KLHL41: variants seen among roughly 807,000 people sequenced by gnomAD.
The protein encoded by KLHL41 is kelch like family member 41.
Under a neutral mutation model 49.2 loss-of-function variants are expected in KLHL41, and 31 were observed. The observed-to-expected ratio is 0.63, with a 90% CI of 0.47 to 0.85. The LOEUF is 0.85. Ranked by LOEUF, KLHL41 falls within the 40% of genes least tolerant of loss-of-function variation. The probability of loss-of-function intolerance (pLI) is 0.00; values close to 1 mark genes in which losing one functional copy is unlikely to be tolerated. For missense variants in KLHL41, 663 were observed against 726.7 expected (o/e 0.91, Z 1.01); for synonymous variants, 218 against 258.5 (o/e 0.84, Z 1.50).
intron 4 of KLHL41, among the ~76,000 whole-genome samples, chr2:169,520,006 T>C (rs1684173289): frequency 6.6e-6 from 1 of 152,154 alleles, no homozygotes; most frequent in African/African-American, 2.4e-5. Flanking sequence ...TGAATTTTTT[T>C]TTCCCCCCTT....
At chr2:169,518,494 A>G in intron 4 of KLHL41, 119 bp downstream of exon 4, 1 of 659,818 alleles carries the variant, frequency 1.5e-6, no homozygotes, top group Non-Finnish European at 2.5e-6. Flanking sequence ...AGAGCCACAG[A>G]TTACAAAGGA....
In KLHL41 at chr2:169,520,189, TGTGTGTGTG is replaced by T. The variant is rs1476564210; in HGVS notation, c.1563-671_1563-663del. On this transcript the variant is annotated intron_variant, in intron 4 of 5. Coordinates refer to ENST00000284669, the MANE Select transcript of KLHL41 (RefSeq NM_006063.3). ...GTGTGTGTGTGTGTGTGTGTGTGTG[TGTGTGTGTG>T]TGTGTGTGTGTAGACAGTCCATTTT... Among the ~76,000 whole-genome samples, 17 of 147,416 alleles carry T rather than the reference TGTGTGTGTG, an allele frequency of 1.2e-4. No individual in the cohort carries two copies. The East Asian group carries it at 3.4e-3, about 29-fold the overall frequency.
chr2:169,514,516 G>A (rs529604908), intron 1 of KLHL41, 58 bp from the exon 2 acceptor site: 94 of 1,435,032 alleles, frequency 6.6e-5, no homozygotes, highest in African/African-American at 1.0e-4. Flanking sequence ...ACTTTTTTTG[G>A]TGTACTTCTA....
At chr2:169,518,623 A>G (rs1194694094) in intron 4 of KLHL41, among the ~76,000 whole-genome samples, 1 of 152,154 alleles carries the variant, frequency 6.6e-6, no homozygotes, top group African/African-American at 2.4e-5. Context: ...GTCATGCTCT[A>G]TTTGTCCTTG....
At chr2:169,520,279 T>C in intron 4 of KLHL41, among the ~76,000 whole-genome samples, 1 of 54,782 alleles carries the variant, frequency 1.8e-5, no homozygotes, top group South Asian at 7.0e-4. Context: ...TGCCTCAGTG[T>C]GTGTGTGTGT....
rs748678126 is a variant in KLHL41 at position 169,509,903 on chromosome 2, A to G, written c.125A>G (p.Lys42Arg). 3 of 1,614,066 alleles carry G rather than the reference A, an allele frequency of 1.9e-6. No homozygotes were observed. Among genetic ancestry groups the G allele is most frequent in the African/African-American group, 1.3e-5 (1 of 74,948 alleles). Residue 42 changes from lysine (K) to arginine (R), a missense_variant, in exon 1 of 6, where the codon AAA (lysine) becomes AGA (arginine). Lys to Arg is a conservative substitution (Grantham distance 26). Coordinates refer to ENST00000284669, the MANE Select transcript of KLHL41 (RefSeq NM_006063.3). ...FIDCTLKAGD[K>R]SLPCHRLILS... Reference sequence around the variant, plus strand: ...GATTGCACCCTAAAAGCAGGTGACAAAAGTCTTCCTTGCCACAGATTGATT... The same window carrying G: ...GATTGCACCCTAAAAGCAGGTGACAGAAGTCTTCCTTGCCACAGATTGATT...
intron 4 of KLHL41, 29 bp downstream of exon 4, chr2:169,518,404 T>C: frequency 1.4e-6 from 2 of 1,474,520 alleles, no homozygotes; most frequent in Non-Finnish European, 1.9e-6. Flanking sequence ...GTATATAGCA[T>C]GTGAACAACT....
At position 169,520,978 on chromosome 2, in the gene KLHL41, T is replaced by C; in HGVS notation, c.1680T>C (p.Phe560=). 6.2e-7 allele frequency: 1 copy of C among 1,614,056 alleles called. No homozygotes were observed. Among genetic ancestry groups the C allele is most frequent in the Non-Finnish European group, 8.5e-7 (1 of 1,179,940 alleles). ...FAMIQLESKE[F]APTEVNDIWK... Reference sequence around the variant, plus strand: ...TGATTCAACTGGAGTCTAAAGAATTTGCACCCACTGAAGTCAATGACATAT... The same window carrying C: ...TGATTCAACTGGAGTCTAAAGAATTCGCACCCACTGAAGTCAATGACATAT... Residue 560 remains phenylalanine, a synonymous_variant, in exon 5 of 6, where the codon TTT becomes TTC. Transcript: ENST00000284669.
At chr2:169,521,903 T>C (rs79726222) in intron 5 of KLHL41, among the ~76,000 whole-genome samples, 7,283 of 152,020 alleles carry the variant, frequency 0.048, 200 homozygotes, top group East Asian at 0.14. Context: ...TTGAACATTT[T>C]AGTGAGGCTA....
intron 4 of KLHL41, among the ~76,000 whole-genome samples, chr2:169,520,601 G>A (rs543993769): frequency 1.3e-4 from 20 of 151,802 alleles, no homozygotes; most frequent in South Asian, 4.2e-4. Flanking sequence ...ACAAGTGCGC[G>A]CCACCGTGCC....
intron 1 of KLHL41, among the ~76,000 whole-genome samples, chr2:169,512,974 C>G (rs1186873313): frequency 6.6e-6 from 1 of 152,040 alleles, no homozygotes; most frequent in African/African-American, 2.4e-5. Flanking sequence ...AATCTAGGTC[C>G]AAACCCTAAT....
chr2:169,524,814 G>T (rs1474669477), intron 5 of KLHL41, among the ~76,000 whole-genome samples: 2 of 152,016 alleles, frequency 1.3e-5, no homozygotes, highest in African/African-American at 4.8e-5. Context: ...GAATTAAAAT[G>T]GAGTGATAAT....
At chr2:169,525,543 A>C in intron 5 of KLHL41, 42 bp from the exon 6 acceptor site, 1 of 1,193,156 alleles carries the variant, frequency 8.4e-7, no homozygotes. Context: ...AAACCTATGG[A>C]ACTAAAGCTG....
Position 169,510,430 on chromosome 2 carries a change from G to C in KLHL41, c.652G>C (p.Val218Leu). The C allele has an allele frequency of 1.2e-6, 2 of 1,614,068 alleles. No individual in the cohort carries two copies. The highest frequency in any genetic ancestry group is 2.7e-5 in the African/African-American group (2 of 75,038). The change falls in exon 1 of 6, where the codon GTG becomes CTG. Residue 218 changes from valine to leucine, a missense_variant. Physicochemically the swap from Val to Leu is conservative, Grantham distance 32. Around this residue, in one of 3 missense-constraint regions of KLHL41, gnomAD observed 528 missense variants for 581.0 expected, o/e 0.91. Coordinates refer to ENST00000284669, the MANE Select transcript of KLHL41 (RefSeq NM_006063.3). This position sits in a 1 kb window ranked among gnomAD's most constrained non-coding sequence, Gnocchi z 4.2. ...AAACAGGGTTAAAAACCTTAGTGAA[G>C]TGTTTGATTGTATCCGTTTTCGCCT... ...KENRVKNLSEVFDCIRFRLMT... is the reference protein window; with the variant it reads ...KENRVKNLSELFDCIRFRLMT...
chr2:169,511,953 G>A (rs1429353745), intron 1 of KLHL41, among the ~76,000 whole-genome samples: 4 of 152,116 alleles, frequency 2.6e-5, no homozygotes, highest in South Asian at 2.1e-4. Flanking sequence ...TGCCAATACC[G>A]AAACTTTATA....
chr2:169,513,258 T>G (rs1684057727), intron 1 of KLHL41, among the ~76,000 whole-genome samples: 1 of 152,182 alleles, frequency 6.6e-6, no homozygotes, highest in African/African-American at 2.4e-5. Flanking sequence ...GGAAAATTAT[T>G]TAATCTTCCT....
chr2:169,525,681 A>T lies in KLHL41; in HGVS notation c.1806A>T (p.Lys602Asn), dbSNP rs763842140. Residue 602 changes from lysine (K) to asparagine (N), a missense_variant, in exon 6 of 6, where the codon AAA (lysine) becomes AAT (asparagine). Coordinates refer to ENST00000284669, the MANE Select transcript of KLHL41 (RefSeq NM_006063.3). ...SCLATRLNLF[K>N]LSKL ...TAGCAACACGTTTAAATCTCTTCAA[A>T]CTGTCTAAACTGTGAACAAGGTGAC... 6.3e-7 allele frequency: 1 copy of T among 1,598,370 alleles called. No individual in the cohort carries two copies. The highest frequency in any genetic ancestry group is 8.6e-7 in the Non-Finnish European group (1 of 1,166,026).
At position 169,521,121 on chromosome 2, in the gene KLHL41, A is replaced by T; in HGVS notation, c.1709+114A>T. 3 of 923,904 alleles carry T rather than the reference A, an allele frequency of 3.2e-6. No homozygotes were observed. In the South Asian group the frequency reaches 4.8e-5, roughly 15 times the overall value. 57.2% of individuals were successfully genotyped at this position (923,904 alleles called of 1,614,324 possible). A position where few individuals can be genotyped will look rare whatever the true frequency, so the allele number is the denominator to read the frequency against. On this transcript the variant is annotated intron_variant, in intron 5 of 5. Transcript: ENST00000284669. ...CCCAACATGCAAGCTACTTCTTGGTAGTAGACTAAACACTTCAAACCTAAT... is the reference window on the plus strand; with the variant it reads ...CCCAACATGCAAGCTACTTCTTGGTTGTAGACTAAACACTTCAAACCTAAT...
chr2:169,514,896 CTA>C lies in KLHL41; in HGVS notation c.1313_1314del (p.Tyr438TrpfsTer3). 6.2e-7 allele frequency: 1 copy of C among 1,611,680 alleles called. No homozygotes were observed. Among genetic ancestry groups the C allele is most frequent in the Non-Finnish European group, 8.5e-7 (1 of 1,179,434 alleles). On this transcript the variant is annotated frameshift_variant, in exon 3 of 6. Coordinates refer to ENST00000284669, the MANE Select transcript of KLHL41 (RefSeq NM_006063.3). LOFTEE classifies it high-confidence loss of function. ...AAGTAAAAAAACTCCCTATCAAAGT[CTA>C]TGGCCATAATGTGATTTCACATAAA... is the stretch of plus-strand genomic sequence containing the variant. ...NEVKKLPIKV[Y>X]GHNVISHKGM...
Sources: allele counts gnomAD v4.1 joint callset (sites outside exome capture counted in the v4.1 genomes callset), GRCh38; gene constraint gnomAD v4.1.1; regional missense constraint gnomAD v4.1.1; non-coding constraint Gnocchi (gnomAD v3.1); transcripts MANE v1.5; gene names NCBI Gene and HGNC (gene_info 2026-07-23, HGNC 2026-07-21).